Variants in BID observed in about 807,000 individuals in gnomAD.
The protein encoded by BID is BH3 interacting domain death agonist.
BID carries 19 observed loss-of-function variants against 17.4 expected under a neutral mutation model. The observed-to-expected ratio is 1.09, with a 90% CI of 0.76 to 1.60. The LOEUF (loss-of-function observed/expected upper bound fraction) is 1.60, where lower values mean the gene tolerates loss of function less well. BID is among the 40% of genes most tolerant of loss of function. The probability of loss-of-function intolerance (pLI) is 0.00; values close to 1 mark genes in which losing one functional copy is unlikely to be tolerated. For synonymous variants in BID, 108 were observed against 102.8 expected (o/e 1.05, Z -0.31); for missense variants, 226 against 256.0 (o/e 0.88, Z 0.80).
At position 17,735,155 on chromosome 22, in the gene BID, T is replaced by C. The variant is rs1300602118; in HGVS notation, c.*425A>G. The C allele has an allele frequency of 5.8e-6, 1 of 172,710 alleles. No homozygotes were observed. Among genetic ancestry groups the C allele is most frequent in the Non-Finnish European group, 1.2e-5 (1 of 80,422 alleles). 10.7% of individuals were successfully genotyped at this position (172,710 alleles called of 1,614,324 possible). On this transcript the variant is annotated 3_prime_UTR_variant, in exon 6 of 6. Transcript: ENST00000622694. Reference sequence around the variant, plus strand: ...TTCTTGCTTTCCTCAAACAGGATACTGCCTGCTGTAAGACCATCCTCTATG... The same window carrying C: ...TTCTTGCTTTCCTCAAACAGGATACCGCCTGCTGTAAGACCATCCTCTATG...
rs1039824902 is a variant in BID, at chr22:17,739,354, C to T, written c.358G>A (p.Glu120Lys). The change falls in exon 4 of 6, where the codon GAG (glutamate) becomes AAG (lysine). Residue 120 changes from glutamate to lysine, a missense_variant. Glu to Lys is a moderately conservative substitution (Grantham distance 56, BLOSUM62 1). Coordinates refer to ENST00000622694, the MANE Select transcript of BID (RefSeq NM_001196.4). ...ALQLRNTSRS[E>K]EDRNRDLATA... is the part of the protein sequence containing the mutation. ...GTCCTCAGGCCCTCACTCACCTCCT[C>T]CGACCGGCTGGTGTTCCTGAGCTGC... 1.3e-6 allele frequency: 2 copies of T among 1,592,266 alleles called. No homozygotes were observed. Among genetic ancestry groups the T allele is most frequent in the Non-Finnish European group, 1.7e-6 (2 of 1,171,912 alleles).
intron 1 of BID, among the ~76,000 whole-genome samples, chr22:17,752,543 G>A (rs2061547362): frequency 6.6e-6 from 1 of 152,204 alleles, no homozygotes. Flanking sequence ...ACATCATGGA[G>A]GAATACCACT....
chr22:17,751,334 T>TGCAGTCC (rs2061537981), intron 1 of BID, among the ~76,000 whole-genome samples: 1 of 150,034 alleles, frequency 6.7e-6, no homozygotes. Flanking sequence ...ATTGCGCCAC[T>TGCAGTCC]GCAGTCCGCA....
chr22:17,761,723 C>T (rs886750026), intron 1 of BID, among the ~76,000 whole-genome samples: 6 of 152,076 alleles, frequency 3.9e-5, no homozygotes, highest in African/African-American at 9.7e-5. Context: ...CATAAGCCAC[C>T]GCACCCGGCC....
chr22:17,756,505 TTTCTG>T (rs2061591752), intron 1 of BID, among the ~76,000 whole-genome samples: 8 of 148,002 alleles, frequency 5.4e-5, no homozygotes, highest in African/African-American at 1.5e-4. Flanking sequence ...TCTCTCTCTC[TTTCTG>T]TCTGTCTCTC....
intron 1 of BID, among the ~76,000 whole-genome samples, chr22:17,759,345 G>A (rs1330169750): frequency 1.3e-5 from 2 of 151,734 alleles, no homozygotes; most frequent in African/African-American, 4.8e-5. Flanking sequence ...GATCACTTGA[G>A]GTCAGGTGTT....
At chr22:17,737,960 C>G in intron 5 of BID, 57 bp downstream of exon 5, 1 of 1,588,106 alleles carries the variant, frequency 6.3e-7, no homozygotes, top group African/African-American at 1.3e-5. Context: ...TCTCAACCTT[C>G]CAGAGAAAAG....
rs1200988822 is a variant in BID at position 17,734,357 on chromosome 22, A to G, written c.*1223T>C. 6.6e-6 allele frequency: 1 copy of G among 152,218 alleles called. No individual in the cohort carries two copies. Among genetic ancestry groups the G allele is most frequent in the Non-Finnish European group, 1.5e-5 (1 of 68,034 alleles). 9.4% of individuals were successfully genotyped at this position (152,218 alleles called of 1,614,324 possible). ...GGTAAGAAGAAATCATGAGTCCGTCAGTGCCCTTACTCATATGCGTCTCCA... is the reference window on the plus strand; with the variant it reads ...GGTAAGAAGAAATCATGAGTCCGTCGGTGCCCTTACTCATATGCGTCTCCA... On this transcript the variant is annotated 3_prime_UTR_variant, in exon 6 of 6. Transcript: ENST00000622694.
chr22:17,751,791 A>G (rs758302942), intron 1 of BID, among the ~76,000 whole-genome samples: 3 of 152,210 alleles, frequency 2.0e-5, no homozygotes, highest in Non-Finnish European at 4.4e-5. Flanking sequence ...GGAAGGGACC[A>G]AGAGCAAATG....
chr22:17,743,538 C>T (rs2061474745), intron 3 of BID, among the ~76,000 whole-genome samples: 1 of 152,200 alleles, frequency 6.6e-6, no homozygotes, highest in Non-Finnish European at 1.5e-5. Flanking sequence ...ACAAGGGACT[C>T]AAGACCAGTA....
chr22:17,755,906 C>T (rs188526652), intron 1 of BID, among the ~76,000 whole-genome samples: 59 of 152,118 alleles, frequency 3.9e-4, no homozygotes, highest in African/African-American at 1.3e-3. Context: ...CTCACTCTGT[C>T]GCCCAGGCAG....
Position 17,753,027 on chromosome 22 carries a change from C to T in BID, c.-58-2853G>A, listed in dbSNP as rs373362575. Among the ~76,000 whole-genome samples, 17 of 125,500 alleles carry T rather than the reference C, an allele frequency of 1.4e-4. No individual in the cohort carries two copies. In the East Asian group the frequency reaches 1.6e-3, roughly 12 times the overall value. The allele number at this position is 125,500 out of a possible 152,430, so 82.3% of individuals were successfully genotyped here. A position where few individuals can be genotyped will look rare whatever the true frequency, so the allele number is the denominator to read the frequency against. On this transcript the variant is annotated intron_variant, in intron 1 of 5. Coordinates refer to ENST00000622694, the MANE Select transcript of BID (RefSeq NM_001196.4). The stretch of plus-strand genomic sequence containing the variant: ...TGTCACCCAGGCTGGAGTGCAGTGG[C>T]GCAATCTCGGCTCACTGCAAGCTCC...
Position 17,761,724 on chromosome 22 carries a change from G to A in BID, c.-58-11550C>T, listed in dbSNP as rs189193444. On this transcript the variant is annotated intron_variant, in intron 1 of 5. Coordinates refer to ENST00000622694, the MANE Select transcript of BID (RefSeq NM_001196.4). ...GCTGGGATTACAGGCATAAGCCACC[G>A]CACCCGGCCATAATCTTTCACTTTG... Among the ~76,000 whole-genome samples, 36 of 152,122 alleles carry A rather than the reference G, an allele frequency of 2.4e-4. No individual in the cohort carries two copies. The East Asian group carries it at 6.8e-3, about 29-fold the overall frequency.
chr22:17,735,343 G>C lies in BID; in HGVS notation c.*237C>G. 1 of 536,820 alleles carries C rather than the reference G, an allele frequency of 1.9e-6. No individual in the cohort carries two copies. The highest frequency in any genetic ancestry group is 3.3e-6 in the Non-Finnish European group (1 of 303,180). The allele number at this position is 536,820 out of a possible 1,614,324, so 33.3% of individuals were successfully genotyped here. A position where few individuals can be genotyped will look rare whatever the true frequency, so the allele number is the denominator to read the frequency against. On this transcript the variant is annotated 3_prime_UTR_variant, in exon 6 of 6. Coordinates refer to ENST00000622694, the MANE Select transcript of BID (RefSeq NM_001196.4). ...CAGATGTGCAGATTCATGTGTGGAT[G>C]ATATGAAGGCCATTCAAATACGTGT... is the stretch of plus-strand genomic sequence containing the variant.
chr22:17,750,304 T>A (rs2061528228), intron 1 of BID, 130 bp from the exon 2 acceptor site: 2 of 742,094 alleles, frequency 2.7e-6, no homozygotes, highest in Middle Eastern at 2.8e-4. Flanking sequence ...GAGCCCCGCA[T>A]CCTGAGTTTC....
intron 5 of BID, 104 bp downstream of exon 5, chr22:17,737,913 C>G (rs905161465): frequency 1.6e-5 from 20 of 1,220,090 alleles, no homozygotes; most frequent in Non-Finnish European, 2.4e-5. Flanking sequence ...GCCTGTAACC[C>G]TTGTGCTGGC....
chr22:17,749,417 C>A (rs936807273), intron 2 of BID, among the ~76,000 whole-genome samples: 1 of 152,214 alleles, frequency 6.6e-6, no homozygotes, highest in Admixed American at 6.5e-5. Context: ...TGGCTTCAAG[C>A]AATCCTCTCG....
chr22:17,769,784 T>G lies in BID; in HGVS notation c.-59+4597A>C, dbSNP rs1476253869. ...GCACCCAAAGCTCAGAGTTCCCAGC[T>G]GAACCCAGGAGGCACCCACCTTCCT... On this transcript the variant is annotated intron_variant, in intron 1 of 5. Coordinates refer to ENST00000622694, the MANE Select transcript of BID (RefSeq NM_001196.4). The surrounding 1 kb of genome is among the most constrained non-coding windows in gnomAD (Gnocchi z 4.8). Among the ~76,000 whole-genome samples, 1 of 152,144 alleles carries G rather than the reference T, an allele frequency of 6.6e-6. No homozygotes were observed. Among genetic ancestry groups the G allele is most frequent in the Non-Finnish European group, 1.5e-5 (1 of 68,010 alleles).
chr22:17,772,562 C>T (rs1010088627), intron 1 of BID, among the ~76,000 whole-genome samples: 14 of 152,226 alleles, frequency 9.2e-5, no homozygotes, highest in African/African-American at 3.4e-4. Context: ...TCAGCCCCTC[C>T]ACTTGGCACC....
Sources: allele counts gnomAD v4.1 joint callset (sites outside exome capture counted in the v4.1 genomes callset), GRCh38; gene constraint gnomAD v4.1.1; non-coding constraint Gnocchi (gnomAD v3.1); transcripts MANE v1.5; gene names NCBI Gene and HGNC (gene_info 2026-07-23, HGNC 2026-07-21).